SYN3: variants seen among roughly 807,000 people sequenced by gnomAD.
SYN3 encodes the protein synapsin III.
SYN3 carries 35 observed loss-of-function variants against 65.8 expected under a neutral mutation model. The observed-to-expected ratio is 0.53, with a 90% CI of 0.41 to 0.70. The LOEUF is 0.70. SYN3 is among the 30% of genes least tolerant of loss of function. The pLI, the probability that SYN3 is intolerant of heterozygous loss-of-function variation, is 0.00. For synonymous variants in SYN3, 270 were observed against 292.9 expected (o/e 0.92, Z 0.80); for missense variants, 680 against 749.0 (o/e 0.91, Z 1.08).
At chr22:32,814,351 G>GAAAGAAAGAGAGAA (rs1555970165) in intron 6 of SYN3, among the ~76,000 whole-genome samples, 1,267 of 14,328 alleles carry the variant, frequency 0.088, 14 homozygotes, top group African/African-American at 0.17. Flanking sequence ...GAAAGAAAGA[G>GAAAGAAAGAGAGAA]AGAAAGAAAG....
chr22:32,624,800 C>T (rs531594220), intron 6 of SYN3, among the ~76,000 whole-genome samples: 11 of 152,302 alleles, frequency 7.2e-5, no homozygotes, highest in South Asian at 4.1e-4. Flanking sequence ...GCACAGTCAC[C>T]GGTTAGCATT....
intron 6 of SYN3, among the ~76,000 whole-genome samples, chr22:32,743,954 C>G (rs763056301): frequency 6.6e-6 from 1 of 152,098 alleles, no homozygotes. Flanking sequence ...TCACTACTAC[C>G]TGCGTGATCT....
chr22:32,548,530 G>A (rs2213406), intron 7 of SYN3, among the ~76,000 whole-genome samples: 6,990 of 152,052 alleles, frequency 0.046, 180 homozygotes, highest in Non-Finnish European at 0.067. Context: ...CCACCACCAT[G>A]CCCGGCTAAT....
chr22:32,753,109 A>G (rs12157546), intron 6 of SYN3, among the ~76,000 whole-genome samples: 21,536 of 152,010 alleles, frequency 0.14, 1,600 homozygotes, highest in Admixed American at 0.18. Flanking sequence ...AGATGTATAT[A>G]TGGGGGTTCC....
chr22:32,570,233 C>T (rs1305881487), intron 7 of SYN3, among the ~76,000 whole-genome samples: 1 of 152,170 alleles, frequency 6.6e-6, no homozygotes. Context: ...TGTCTATATC[C>T]AAAAGACAGA....
At position 32,869,135 on chromosome 22, in the gene SYN3, C is replaced by T; in HGVS notation, c.462-10G>A. 1.2e-6 allele frequency: 2 copies of T among 1,611,396 alleles called. No homozygotes were observed. The highest frequency in any genetic ancestry group is 8.5e-7 in the Non-Finnish European group (1 of 1,178,284). ...TGGCTTGAAGGATCTGCTGAGAAAGCCAACAGCAGTGTTACCACACTGGGA... is the reference window on the plus strand; with the variant it reads ...TGGCTTGAAGGATCTGCTGAGAAAGTCAACAGCAGTGTTACCACACTGGGA... On this transcript the variant is annotated splice_polypyrimidine_tract_variant and intron_variant, in intron 4 of 13. Coordinates refer to ENST00000358763, the MANE Select transcript of SYN3 (RefSeq NM_003490.4).
intron 6 of SYN3, among the ~76,000 whole-genome samples, chr22:32,637,616 CTTTTTTTCTTTTTCTT>C: frequency 7.8e-6 from 1 of 128,030 alleles, no homozygotes; most frequent in African/African-American, 2.9e-5. Context: ...GTTAGGTTTT[CTTTTTTTCTTTTTCTT>C]TTTTTTTTTT....
At chr22:33,003,742 T>C (rs1001730367) in intron 2 of SYN3, among the ~76,000 whole-genome samples, 8 of 152,134 alleles carry the variant, frequency 5.3e-5, no homozygotes, top group Admixed American at 6.5e-5. Flanking sequence ...ACTGCAGAAA[T>C]TTGCATAAGT....
chr22:32,610,895 G>A (rs1347653544), intron 6 of SYN3, among the ~76,000 whole-genome samples: 1 of 152,104 alleles, frequency 6.6e-6, no homozygotes, highest in East Asian at 1.9e-4. Context: ...TTGTTTTGAA[G>A]GTTCATCCAT....
At chr22:32,950,302 C>T (rs1601766718) in intron 3 of SYN3, among the ~76,000 whole-genome samples, 1 of 152,200 alleles carries the variant, frequency 6.6e-6, no homozygotes, top group African/African-American at 2.4e-5. Flanking sequence ...TACTGCATCT[C>T]ATAAAGAGAA....
intron 7 of SYN3, among the ~76,000 whole-genome samples, chr22:32,575,142 T>C (rs1211597539): frequency 1.3e-5 from 2 of 152,240 alleles, no homozygotes; most frequent in East Asian, 3.8e-4. Flanking sequence ...ATCTCTTTTC[T>C]TTTTTCATTC....
chr22:32,642,674 C>T (rs112525275), intron 6 of SYN3, among the ~76,000 whole-genome samples: 44,379 of 151,710 alleles, frequency 0.29, 7,511 homozygotes, highest in African/African-American at 0.45. Flanking sequence ...GTGATCCGCC[C>T]GCCTCGGCCT....
intron 7 of SYN3, among the ~76,000 whole-genome samples, chr22:32,586,024 A>G (rs1479266813): frequency 3.0e-5 from 4 of 133,116 alleles, no homozygotes; most frequent in South Asian, 2.2e-4. Flanking sequence ...GTATATATGT[A>G]TGTATGTATA....
intron 6 of SYN3, among the ~76,000 whole-genome samples, chr22:32,627,744 A>G (rs1309127874): frequency 1.3e-5 from 2 of 152,040 alleles, no homozygotes; most frequent in Non-Finnish European, 2.9e-5. Flanking sequence ...ACACACACAC[A>G]TATGCAGGCT....
chr22:33,051,530 G>C (rs564839521), intron 1 of SYN3, among the ~76,000 whole-genome samples: 1 of 150,256 alleles, frequency 6.7e-6, no homozygotes, highest in Admixed American at 6.7e-5. Context: ...AGAAGTTTTA[G>C]GTAGAGGCAA....
At chr22:32,875,100 C>G (rs2048949066) in intron 4 of SYN3, among the ~76,000 whole-genome samples, 1 of 152,232 alleles carries the variant, frequency 6.6e-6, no homozygotes, top group Non-Finnish European at 1.5e-5. Flanking sequence ...AGCCCGAGGA[C>G]TGCAAGAAAT....
chr22:32,947,900 G>A (rs1447282073), intron 3 of SYN3, among the ~76,000 whole-genome samples: 1 of 152,254 alleles, frequency 6.6e-6, no homozygotes, highest in South Asian at 2.1e-4. Flanking sequence ...TGGCCAGCTG[G>A]GCTCTTATTG....
intron 6 of SYN3, among the ~76,000 whole-genome samples, chr22:32,788,242 TA>T (rs34240483): frequency 6.6e-6 from 1 of 151,558 alleles, no homozygotes; most frequent in Non-Finnish European, 1.5e-5. Context: ...ACGACTATAT[TA>T]AAAAAAACAT....
intron 12 of SYN3, 136 bp downstream of exon 12, chr22:32,527,782 A>G (rs992392003): frequency 1.4e-6 from 1 of 705,564 alleles, no homozygotes; most frequent in South Asian, 1.9e-5. Flanking sequence ...CCAACCCCAT[A>G]GTCTCATTCA....
Sources: allele counts gnomAD v4.1 joint callset (sites outside exome capture counted in the v4.1 genomes callset), GRCh38; gene constraint gnomAD v4.1.1; transcripts MANE v1.5; gene names NCBI Gene and HGNC (gene_info 2026-07-23, HGNC 2026-07-21).